ZGRF1: variants seen among roughly 807,000 people sequenced by gnomAD.
The protein encoded by ZGRF1 is 5'-3' DNA helicase ZGRF1.
ZGRF1 carries 196 observed loss-of-function variants against 203.5 expected under a neutral mutation model. The observed-to-expected ratio is 0.96, with a 90% CI of 0.86 to 1.08. The LOEUF (loss-of-function observed/expected upper bound fraction) is 1.08. Ranked by LOEUF, ZGRF1 falls within the 50% of genes least tolerant of loss-of-function variation. ZGRF1 has a pLI of 0.00. For synonymous variants in ZGRF1, 809 were observed against 841.3 expected (o/e 0.96, Z 0.66); for missense variants, 2,326 against 2,416.3 (o/e 0.96, Z 0.78).
intron 24 of ZGRF1, among the ~76,000 whole-genome samples, 158 bp downstream of exon 24, chr4:112,547,127 C>T (rs1197740423): frequency 6.6e-6 from 1 of 152,114 alleles, no homozygotes; most frequent in East Asian, 1.9e-4. Flanking sequence ...TAGGGTTCCA[C>T]TTGTCTTTAA....
At chr4:112,590,654 A>T (rs1482246928) in intron 10 of ZGRF1, among the ~76,000 whole-genome samples, 1 of 152,074 alleles carries the variant, frequency 6.6e-6, no homozygotes, top group Non-Finnish European at 1.5e-5. Flanking sequence ...AGCCAGGCGC[A>T]GTGGCTCACT....
At chr4:112,562,600 A>T in intron 17 of ZGRF1, 115 bp from the exon 18 acceptor site, 2 of 652,030 alleles carry the variant, frequency 3.1e-6, no homozygotes, top group Non-Finnish European at 5.5e-6. Flanking sequence ...CACATGACAT[A>T]AAACAAACCC....
Position 112,579,689 on chromosome 4 carries a change from A to G in ZGRF1, c.4438+1974T>C, listed in dbSNP as rs1474941950. On this transcript the variant is annotated intron_variant, in intron 16 of 27. Coordinates refer to ENST00000505019, the MANE Select transcript of ZGRF1 (RefSeq NM_018392.5). ...CATTCACAATTGCTTCAAAGAGAAT[A>G]AAATACCTAGGAATCCAACTTACAA... 1.6e-5 allele frequency among the ~76,000 whole-genome samples: 2 copies of G among 121,314 alleles called. 1 individual carries two copies. Among genetic ancestry groups the G allele is most frequent in the East Asian group, 4.8e-4 (2 of 4,126 alleles). 79.6% of individuals were successfully genotyped at this position (121,314 alleles called of 152,430 possible).
chr4:112,594,499 C>G (rs922547427), intron 10 of ZGRF1, among the ~76,000 whole-genome samples: 1 of 150,716 alleles, frequency 6.6e-6, no homozygotes, highest in Non-Finnish European at 1.5e-5. Flanking sequence ...GTCACCCAGG[C>G]TAGAGTGCAG....
intron 16 of ZGRF1, among the ~76,000 whole-genome samples, chr4:112,575,463 C>T (rs1041581660): frequency 1.4e-4 from 22 of 152,202 alleles, no homozygotes; most frequent in East Asian, 5.8e-4. Flanking sequence ...GAGCATGAGC[C>T]GAAGCAGGGT....
At position 112,618,041 on chromosome 4, in the gene ZGRF1, T is replaced by C. The variant is rs546138805; in HGVS notation, c.2001A>G (p.Gln667=). Residue 667 remains glutamine (Q), a synonymous_variant, in exon 6 of 28, where the codon CAA becomes CAG. Transcript: ENST00000505019. ...DNKEDANKPI[Q]EVRINYDFAL... The stretch of plus-strand genomic sequence containing the variant: ...CAAAATCATAGTTAATTCTGACTTC[T>C]TGAATAGGTTTATTAGCATCTTCTT... 3 of 1,613,374 alleles carry C rather than the reference T, an allele frequency of 1.9e-6. No individual in the cohort carries two copies. The highest frequency in any genetic ancestry group is 2.7e-5 in the African/African-American group (2 of 75,008).
intron 12 of ZGRF1, 47 bp from the exon 13 acceptor site, chr4:112,586,630 T>G: frequency 7.2e-7 from 1 of 1,390,628 alleles, no homozygotes; most frequent in Non-Finnish European, 9.7e-7. Context: ...AGAAAAATAC[T>G]GTTTACTAAA....
chr4:112,575,211 CTT>C (rs1230611322), intron 16 of ZGRF1, among the ~76,000 whole-genome samples: 1 of 152,142 alleles, frequency 6.6e-6, no homozygotes, highest in Non-Finnish European at 1.5e-5. Context: ...AATCAATATA[CTT>C]ACTTATATGA....
At chr4:112,623,617 G>T (rs761857439) in intron 4 of ZGRF1, among the ~76,000 whole-genome samples, 200 bp downstream of exon 4, 1 of 151,656 alleles carries the variant, frequency 6.6e-6, no homozygotes, top group Non-Finnish European at 1.5e-5. Context: ...TAAAAATCAG[G>T]TTTTTTTTAG....
At chr4:112,589,242 G>C (rs1461201165) in intron 11 of ZGRF1, among the ~76,000 whole-genome samples, 1 of 152,166 alleles carries the variant, frequency 6.6e-6, no homozygotes, top group African/African-American at 2.4e-5. Context: ...CTGACTCATA[G>C]TGAAGGGCCA....
rs749456710 is a variant in ZGRF1, at chr4:112,617,424, G to T, written c.2602+16C>A. On this transcript the variant is annotated intron_variant, in intron 6 of 27. Transcript: ENST00000505019. Reference sequence around the variant, plus strand: ...CCTATAAAGAAAACATTCCAAAATAGACATGCAATTCTAACCTTCAGGAGG... The same window carrying T: ...CCTATAAAGAAAACATTCCAAAATATACATGCAATTCTAACCTTCAGGAGG... The T allele has an allele frequency of 2.7e-6, 4 of 1,504,232 alleles. No individual in the cohort carries two copies. In the African/African-American group the frequency reaches 4.2e-5, roughly 16 times the overall value. The allele number at this position is 1,504,232 out of a possible 1,614,324, so 93.2% of individuals were successfully genotyped here.
At position 112,555,176 on chromosome 4, in the gene ZGRF1, A is replaced by G. The variant is rs187236592; in HGVS notation, c.5121-394T>C. On this transcript the variant is annotated intron_variant, in intron 20 of 27. Coordinates refer to ENST00000505019, the MANE Select transcript of ZGRF1 (RefSeq NM_018392.5). ...AACACTCACTACAGCTCCAGATGAT[A>G]TCTACTCTTAGAGATGAGGACACAA... Among the ~76,000 whole-genome samples the G allele has an allele frequency of 2.5e-4, 38 of 152,354 alleles. No homozygotes were observed. The Middle Eastern group carries it at 0.014, about 55-fold the overall frequency.
intron 24 of ZGRF1, among the ~76,000 whole-genome samples, chr4:112,545,976 T>G (rs1336370928): frequency 6.6e-6 from 1 of 151,802 alleles, no homozygotes; most frequent in Non-Finnish European, 1.5e-5. Context: ...AAATGGGAAA[T>G]TATTGCTTAA....
chr4:112,601,567 T>C (rs1409735260), intron 10 of ZGRF1, among the ~76,000 whole-genome samples: 3 of 147,666 alleles, frequency 2.0e-5, no homozygotes, highest in East Asian at 2.0e-4. Context: ...GAGCAAGACC[T>C]TGTCTAAAAA....
chr4:112,560,561 G>T (rs1049613316), intron 19 of ZGRF1, among the ~76,000 whole-genome samples, 172 bp downstream of exon 19: 11 of 152,170 alleles, frequency 7.2e-5, no homozygotes, highest in African/African-American at 2.7e-4. Flanking sequence ...CCCTTTTAGG[G>T]TAGTCAGTTC....
At chr4:112,625,585 C>CAAAAA (rs35757277) in intron 3 of ZGRF1, among the ~76,000 whole-genome samples, 1 of 102,386 alleles carries the variant, frequency 9.8e-6, no homozygotes, top group Non-Finnish European at 1.9e-5. Context: ...GATTCCGTCT[C>CAAAAA]AAAAAAAAAA....
rs1272586060 is a variant in ZGRF1 at position 112,581,703 on chromosome 4, A to G, written c.4398T>C (p.Leu1466=). The G allele has an allele frequency of 6.3e-7, 1 of 1,582,938 alleles. No homozygotes were observed. The highest frequency in any genetic ancestry group is 8.6e-7 in the Non-Finnish European group (1 of 1,168,978). ...FYNEPKTKLY[L]KLSRKERSSA... ...AAGATCTTTCCTTCCGACTTAGCTT[A>G]AGATAAAGTTTGGTTTTTGGTTCAT... The change falls in exon 16 of 28, where the codon CTT becomes CTC. Residue 1466 remains leucine, a synonymous_variant. Transcript: ENST00000505019.
At position 112,603,598 on chromosome 4, in the gene ZGRF1, T is replaced by C. The variant is rs570618803; in HGVS notation, c.2902A>G (p.Ser968Gly). 1.2e-6 allele frequency: 2 copies of C among 1,613,688 alleles called. No homozygotes were observed. The highest frequency in any genetic ancestry group is 4.5e-5 in the East Asian group (2 of 44,862). Residue 968 changes from serine to glycine, a missense_variant, in exon 10 of 28, where the codon AGC (serine) becomes GGC (glycine). Physicochemically the swap from Ser to Gly is moderately conservative, Grantham distance 56. Coordinates refer to ENST00000505019, the MANE Select transcript of ZGRF1 (RefSeq NM_018392.5). ...SQLGCSQFPD[S>G]TEYENFMTET... ...GTCATAAAGTTTTCATACTCAGTGC[T>C]ATCTGGAAACTGACTGCATCCTAGC...
intron 2 of ZGRF1, among the ~76,000 whole-genome samples, chr4:112,632,281 A>G (rs995643258): frequency 6.6e-6 from 1 of 152,122 alleles, no homozygotes; most frequent in African/African-American, 2.4e-5. Context: ...AGGAGAAGGA[A>G]GAAAGGAGAG....
Sources: gnomAD v4.1 joint callset for allele counts (sites outside exome capture counted in the v4.1 genomes callset) on GRCh38, gnomAD v4.1.1 for gene constraint, MANE v1.5 for transcripts, NCBI Gene and HGNC (gene_info 2026-07-23, HGNC 2026-07-21) for gene names.